Variants in TMEM117 observed in about 807,000 individuals in gnomAD.
TMEM117 encodes transmembrane protein 117.
TMEM117 carries 27 observed loss-of-function variants against 52.4 expected under a neutral mutation model. That is an observed-to-expected ratio of 0.51 (90% CI 0.38 to 0.71). TMEM117 has a LOEUF of 0.71. TMEM117 is among the 30% of genes least tolerant of loss of function. TMEM117 has a pLI of 0.00. For missense variants in TMEM117, 556 were observed against 630.5 expected (o/e 0.88, Z 1.26); for synonymous variants, 215 against 206.3 (o/e 1.04, Z -0.36).
intron 3 of TMEM117, among the ~76,000 whole-genome samples, chr12:44,085,619 A>G (rs1339199180): frequency 6.6e-6 from 1 of 152,230 alleles, no homozygotes; most frequent in Non-Finnish European, 1.5e-5. Context: ...ACATATGTTT[A>G]GGGGAAAGCA....
chr12:44,000,913 T>A (rs937313649), intron 3 of TMEM117, among the ~76,000 whole-genome samples: 2 of 152,142 alleles, frequency 1.3e-5, no homozygotes, highest in African/African-American at 4.8e-5. Context: ...TTGAGGTCAG[T>A]TCCACCCTTA....
At chr12:44,271,805 A>G (rs1950449280) in intron 5 of TMEM117, among the ~76,000 whole-genome samples, 1 of 152,122 alleles carries the variant, frequency 6.6e-6, no homozygotes, top group Admixed American at 6.6e-5. Flanking sequence ...AATAACTCAT[A>G]GAATGAGGGA....
At chr12:44,041,785 G>T (rs1259861867) in intron 3 of TMEM117, among the ~76,000 whole-genome samples, 1 of 152,070 alleles carries the variant, frequency 6.6e-6, no homozygotes, top group Non-Finnish European at 1.5e-5. Context: ...ATCAAGTAGG[G>T]TTTATTCCTG....
chr12:44,214,711 T>C (rs1949693490), intron 5 of TMEM117, among the ~76,000 whole-genome samples: 1 of 152,204 alleles, frequency 6.6e-6, no homozygotes, highest in African/African-American at 2.4e-5. Context: ...TTTCAAATCA[T>C]TGCATAAAGT....
chr12:44,150,215 A>C (rs960324848), intron 4 of TMEM117, among the ~76,000 whole-genome samples: 2 of 152,204 alleles, frequency 1.3e-5, no homozygotes, highest in Non-Finnish European at 2.9e-5. Flanking sequence ...ATTTCGTGTT[A>C]TGTGAGGTTC....
chr12:44,040,386 C>G (rs1053782032), intron 3 of TMEM117, among the ~76,000 whole-genome samples: 1 of 152,008 alleles, frequency 6.6e-6, no homozygotes, highest in South Asian at 2.1e-4. Flanking sequence ...TGTTTAGTTT[C>G]TTTATGTTTT....
chr12:44,347,596 T>C (rs1951505211), intron 6 of TMEM117, among the ~76,000 whole-genome samples: 1 of 152,046 alleles, frequency 6.6e-6, no homozygotes, highest in East Asian at 1.9e-4. Context: ...TTCTTATATC[T>C]GACACTGTTC....
intron 3 of TMEM117, among the ~76,000 whole-genome samples, chr12:44,063,182 A>C (rs1465617473): frequency 2.0e-5 from 3 of 152,178 alleles, no homozygotes; most frequent in Admixed American, 6.5e-5. Flanking sequence ...CTTCTTTCCT[A>C]AAACATGAAG....
intron 3 of TMEM117, among the ~76,000 whole-genome samples, chr12:44,051,811 A>C (rs1454939935): frequency 1.3e-5 from 2 of 152,250 alleles, no homozygotes; most frequent in African/African-American, 4.8e-5. Context: ...CAAGCTAATG[A>C]ACTTAAGTAT....
chr12:44,279,827 G>A (rs1950556878), intron 5 of TMEM117, among the ~76,000 whole-genome samples: 1 of 152,080 alleles, frequency 6.6e-6, no homozygotes, highest in Admixed American at 6.5e-5. Flanking sequence ...AATTTTCAAA[G>A]CAATCTCGTG....
rs1193764262 is a variant in TMEM117, at chr12:43,937,642, T to C, written c.278-6568T>C. Among the ~76,000 whole-genome samples the C allele has an allele frequency of 1.3e-5, 2 of 152,122 alleles. 1 individual carries two copies. Among genetic ancestry groups the C allele is most frequent in the Admixed American group, 1.3e-4 (2 of 15,270 alleles). ...TGGGGAGGAGAGCAGCTTAAAGAAC[T>C]GAACGGCTCAGAGGGCAACTATAAT... is the stretch of plus-strand genomic sequence containing the variant. On this transcript the variant is annotated intron_variant, in intron 2 of 7. Transcript: ENST00000266534.
At chr12:44,096,138 T>G (rs1947756995) in intron 3 of TMEM117, among the ~76,000 whole-genome samples, 1 of 152,218 alleles carries the variant, frequency 6.6e-6, no homozygotes, top group African/African-American at 2.4e-5. Context: ...ATAAAATACC[T>G]AGGAATCCAA....
intron 4 of TMEM117, among the ~76,000 whole-genome samples, chr12:44,152,099 A>G (rs867863849): frequency 1.6e-3 from 185 of 112,728 alleles, no homozygotes; most frequent in Non-Finnish European, 2.6e-3. Context: ...AAACATAAAT[A>G]TATAATATAT....
intron 6 of TMEM117, among the ~76,000 whole-genome samples, chr12:44,361,427 A>G (rs777582066): frequency 2.0e-4 from 30 of 152,176 alleles, no homozygotes; most frequent in African/African-American, 6.3e-4. Context: ...CAATGCTTCC[A>G]TATTATCCTG....
chr12:43,912,260 CA>C (rs1271369769), intron 2 of TMEM117, among the ~76,000 whole-genome samples: 6 of 140,912 alleles, frequency 4.3e-5, no homozygotes, highest in Non-Finnish European at 9.3e-5. Context: ...AAAAACCAAA[CA>C]CTGCATATTC....
chr12:44,213,813 C>A lies in TMEM117; in HGVS notation c.608+2426C>A, dbSNP rs986284516. Among the ~76,000 whole-genome samples the A allele has an allele frequency of 3.3e-5, 5 of 152,202 alleles. No individual in the cohort carries two copies. In the East Asian group the frequency reaches 9.6e-4, roughly 29 times the overall value. ...GTAAGTTTTCTGACGCCTTCCCAGC[C>A]ATGCGGAATGGTGGGTCATTTAAAC... On this transcript the variant is annotated intron_variant, in intron 5 of 7. Transcript: ENST00000266534.
chr12:43,865,828 G>A (rs1317879121), intron 2 of TMEM117, among the ~76,000 whole-genome samples: 1 of 151,588 alleles, frequency 6.6e-6, no homozygotes, highest in Non-Finnish European at 1.5e-5. Flanking sequence ...GCCAAATCAG[G>A]CCTTCACCAA....
chr12:44,263,292 C>T (rs1287194139), intron 5 of TMEM117, among the ~76,000 whole-genome samples: 2 of 151,978 alleles, frequency 1.3e-5, no homozygotes, highest in Non-Finnish European at 2.9e-5. Flanking sequence ...CAAATCAAAA[C>T]CACAATGAGA....
intron 5 of TMEM117, among the ~76,000 whole-genome samples, chr12:44,237,427 C>T (rs1189920393): frequency 2.0e-5 from 3 of 151,968 alleles, no homozygotes; most frequent in Non-Finnish European, 1.5e-5. Flanking sequence ...TCCTTTAAAA[C>T]AGGGACTATA....
Sources: allele counts gnomAD v4.1 joint callset (sites outside exome capture counted in the v4.1 genomes callset), GRCh38; gene constraint gnomAD v4.1.1; transcripts MANE v1.5; gene names NCBI Gene and HGNC (gene_info 2026-07-23, HGNC 2026-07-21).